The following SNX8 variants were observed in gnomAD, a reference collection of about 807,000 sequenced individuals.
The protein encoded by SNX8 is sorting nexin-8.
A neutral mutation model predicts 51.6 loss-of-function variants in SNX8; 25 were observed. That is an observed-to-expected ratio of 0.48 (90% CI 0.35 to 0.68). The LOEUF (loss-of-function observed/expected upper bound fraction) is 0.68, where lower values mean the gene tolerates loss of function less well. Ranked by LOEUF, SNX8 falls within the 30% of genes least tolerant of loss-of-function variation. SNX8 has a pLI of 0.00. For synonymous variants in SNX8, 324 were observed against 277.0 expected (o/e 1.17, Z -1.68); for missense variants, 695 against 624.0 (o/e 1.11, Z -1.21).
intron 2 of SNX8, among the ~76,000 whole-genome samples, chr7:2,277,560 G>C (rs1273386704): frequency 6.6e-6 from 1 of 152,164 alleles, no homozygotes; most frequent in Non-Finnish European, 1.5e-5. Context: ...CAGCACTTTG[G>C]GAGGCCGAGG....
intron 1 of SNX8, among the ~76,000 whole-genome samples, chr7:2,305,268 C>G (rs1013250706): frequency 6.6e-6 from 1 of 152,170 alleles, no homozygotes; most frequent in Non-Finnish European, 1.5e-5. Context: ...GTAAATCCAA[C>G]GGGACTTGGG....
At chr7:2,319,097 G>C (rs561868565), upstream of SNX8, among the ~76,000 whole-genome samples, 3 of 152,200 alleles carry the variant, frequency 2.0e-5, no homozygotes, top group South Asian at 2.1e-4. Flanking sequence ...CCAGCACTTT[G>C]GGAGGCCGAG....
intron 1 of SNX8, among the ~76,000 whole-genome samples, chr7:2,314,118 AC>A (rs1391379928): frequency 1.3e-5 from 2 of 151,782 alleles, no homozygotes; most frequent in Non-Finnish European, 2.9e-5. Context: ...ACCCCGAGGG[AC>A]GGAGGCGCGA....
At chr7:2,271,227 A>G (rs1169361334) in intron 4 of SNX8, among the ~76,000 whole-genome samples, 1 of 152,196 alleles carries the variant, frequency 6.6e-6, no homozygotes, top group Admixed American at 6.5e-5. Flanking sequence ...GTTTTGGTAG[A>G]GACGAAGTCT....
chr7:2,313,601 G>A (rs986851452), intron 1 of SNX8, among the ~76,000 whole-genome samples: 4 of 151,994 alleles, frequency 2.6e-5, no homozygotes, highest in African/African-American at 9.7e-5. Context: ...GATGGCTCAT[G>A]CCCGTACTCC....
chr7:2,307,272 GA>G (rs975370778), intron 1 of SNX8, among the ~76,000 whole-genome samples: 10 of 109,278 alleles, frequency 9.2e-5, no homozygotes, highest in South Asian at 3.3e-4. Flanking sequence ...CTGGTTATGT[GA>G]TTTTTTTTTT....
intron 1 of SNX8, among the ~76,000 whole-genome samples, chr7:2,307,212 C>A (rs1796562195): frequency 6.6e-6 from 1 of 152,110 alleles, no homozygotes; most frequent in Non-Finnish European, 1.5e-5. Flanking sequence ...TATTTTAATG[C>A]CAATATTTTC....
In SNX8 at chr7:2,256,860, C is replaced by A. The variant is rs758923740; in HGVS notation, c.1284+14G>T. ...GCCGTGGCCGAGACGGCGGCCGGAG[C>A]AGGGCGGACTCACCTCCTTGTGCCC... On this transcript the variant is annotated intron_variant, in intron 10 of 10. Transcript: ENST00000222990. The A allele has an allele frequency of 1.2e-6, 2 of 1,604,538 alleles. No homozygotes were observed. Among genetic ancestry groups the A allele is most frequent in the Non-Finnish European group, 8.5e-7 (1 of 1,174,810 alleles).
intron 3 of SNX8, among the ~76,000 whole-genome samples, chr7:2,273,229 A>G (rs1047100260): frequency 6.6e-6 from 1 of 152,004 alleles, no homozygotes. Flanking sequence ...AGGGCAGATC[A>G]CTTGAGGCCA....
intron 1 of SNX8, among the ~76,000 whole-genome samples, chr7:2,296,742 C>A (rs938165002): frequency 6.6e-6 from 1 of 151,704 alleles, no homozygotes; most frequent in African/African-American, 2.4e-5. Context: ...ACCAGCCTAG[C>A]CAACATGGTT....
intron 1 of SNX8, among the ~76,000 whole-genome samples, chr7:2,299,863 C>T (rs999585887): frequency 6.6e-6 from 1 of 152,016 alleles, no homozygotes; most frequent in African/African-American, 2.4e-5. Context: ...AAGGTCCCTC[C>T]AAGAAAATTC....
intron 1 of SNX8, among the ~76,000 whole-genome samples, chr7:2,308,329 T>TAA (rs893151177): frequency 8.6e-5 from 13 of 151,140 alleles, no homozygotes; most frequent in African/African-American, 3.2e-4. Context: ...AATAAACTTG[T>TAA]AAAAAAAATA....
At chr7:2,257,317 G>A (rs754595307) in intron 9 of SNX8, 48 bp downstream of exon 9, 3 of 1,576,646 alleles carry the variant, frequency 1.9e-6, no homozygotes, top group Middle Eastern at 2.2e-4. Flanking sequence ...CACCATGGCC[G>A]GGAGGGGAAA....
At position 2,323,349 on chromosome 7, in the gene SNX8, A is replaced by ACC. The variant is rs1554268545; in HGVS notation, c.-66+30872_-66+30873insGG. Among the ~76,000 whole-genome samples, 1,120 of 145,594 alleles carry ACC rather than the reference A, an allele frequency of 7.7e-3. 10 individuals are homozygous for ACC. Among genetic ancestry groups the ACC allele is most frequent in the Non-Finnish European group, 0.01 (685 of 67,086 alleles). ...TGTCTCAAAAAAAAAAAAAAAAAAA[A>ACC]CAACCAAACAAACAAAAAAACTAAT... On this transcript the variant is annotated intron_variant, in intron 1 of 5. Transcript: ENST00000435336.
chr7:2,254,078 G>A lies in SNX8; in HGVS notation c.*978C>T, dbSNP rs539828212. The A allele has an allele frequency of 6.6e-5, 10 of 152,590 alleles. 1 individual carries two copies. Among genetic ancestry groups the A allele is most frequent in the African/African-American group, 2.4e-4 (10 of 41,590 alleles). 9.5% of individuals were successfully genotyped at this position (152,590 alleles called of 1,614,324 possible). A position where few individuals can be genotyped will look rare whatever the true frequency, so the allele number is the denominator to read the frequency against. On this transcript the variant is annotated 3_prime_UTR_variant, in exon 11 of 11. Coordinates refer to ENST00000222990, the MANE Select transcript of SNX8 (RefSeq NM_013321.4). ...GGCCTTCTTCATCCAGAGCAGGGAA[G>A]GGGCCTGAAAGACCACTGGTTCCCT...
chr7:2,322,909 C>G (rs1163624872), intron 1 of SNX8, among the ~76,000 whole-genome samples: 1 of 151,588 alleles, frequency 6.6e-6, no homozygotes, highest in African/African-American at 2.4e-5. Context: ...CCCAGCTACT[C>G]GGGAAGCTGA....
intron 1 of SNX8, among the ~76,000 whole-genome samples, chr7:2,284,707 T>G (rs1795983665): frequency 1.3e-5 from 2 of 151,914 alleles, no homozygotes; most frequent in Admixed American, 1.3e-4. Flanking sequence ...CCTGGCCTAT[T>G]GCTTTTATTT....
intron 1 of SNX8, among the ~76,000 whole-genome samples, chr7:2,299,110 G>A (rs114575203): frequency 7.2e-4 from 110 of 152,120 alleles, no homozygotes; most frequent in African/African-American, 2.5e-3. Flanking sequence ...TTCCTCGATA[G>A]GACAACGGCA....
upstream of SNX8, among the ~76,000 whole-genome samples, chr7:2,319,005 G>T (rs948105211): frequency 4.0e-5 from 6 of 149,164 alleles, no homozygotes; most frequent in Non-Finnish European, 8.9e-5. Flanking sequence ...GAGCCTCTTT[G>T]TCTAAAAATA....
Sources: gnomAD v4.1 joint callset for allele counts (sites outside exome capture counted in the v4.1 genomes callset) on GRCh38, gnomAD v4.1.1 for gene constraint, MANE v1.5 for transcripts, NCBI Gene and HGNC (gene_info 2026-07-23, HGNC 2026-07-21) for gene names.